Variants in ABTB3 observed in about 807,000 individuals in gnomAD.
ABTB3 encodes the protein ankyrin repeat and BTB domain containing 3, also known as ankyrin repeat- and BTB/POZ domain-containing protein 3.
the ABTB3 span, among the ~76,000 whole-genome samples, chr12:107,430,389 A>G: frequency 6.6e-6 from 1 of 152,232 alleles, no homozygotes; most frequent in South Asian, 2.1e-4. Flanking sequence ...ATGTGTGAAA[A>G]ACACCTTTGC....
the ABTB3 span, among the ~76,000 whole-genome samples, chr12:107,385,724 GGGGCCCAAC>G: frequency 6.6e-6 from 1 of 152,152 alleles, no homozygotes; most frequent in Non-Finnish European, 1.5e-5. Context: ...GATGGCTTAT[GGGGCCCAAC>G]AGCTACGTGC....
the ABTB3 span, among the ~76,000 whole-genome samples, chr12:107,567,910 C>T: frequency 3.2e-4 from 49 of 152,200 alleles, no homozygotes; most frequent in African/African-American, 1.1e-3. Flanking sequence ...AGATTGGGGA[C>T]GGTTGGGCTA....
the ABTB3 span, chr12:107,580,758 G>C: frequency 7.1e-7 from 1 of 1,412,888 alleles, no homozygotes; most frequent in African/African-American, 1.4e-5. Flanking sequence ...GAAATAACAC[G>C]GGGCGCTGAT....
the ABTB3 span, among the ~76,000 whole-genome samples, chr12:107,635,990 G>A: frequency 1.3e-5 from 2 of 152,056 alleles, no homozygotes; most frequent in South Asian, 2.1e-4. Flanking sequence ...TCTGGGAGGC[G>A]TGCACTGTGC....
the ABTB3 span, among the ~76,000 whole-genome samples, chr12:107,427,681 G>T: frequency 6.6e-6 from 1 of 152,074 alleles, no homozygotes; most frequent in African/African-American, 2.4e-5. Flanking sequence ...CACGAGTTCC[G>T]GAGATTAGTT....
At chr12:107,340,190 G>T in the ABTB3 span, among the ~76,000 whole-genome samples, 1 of 151,998 alleles carries the variant, frequency 6.6e-6, no homozygotes, top group African/African-American at 2.4e-5. Flanking sequence ...TTCTTTTCAT[G>T]TGTTGGAGTT....
the ABTB3 span, among the ~76,000 whole-genome samples, chr12:107,354,348 CA>C: frequency 1.3e-5 from 2 of 152,156 alleles, no homozygotes; most frequent in African/African-American, 2.4e-5. Context: ...ACTTTGCCCC[CA>C]AAAGAAACCC....
At chr12:107,482,414 C>CTCTTCATGG in the ABTB3 span, among the ~76,000 whole-genome samples, 5 of 152,120 alleles carry the variant, frequency 3.3e-5, no homozygotes, top group African/African-American at 1.2e-4. Context: ...TCACTTTGCT[C>CTCTTCATGG]TCTTCATGGC....
At chr12:107,582,702 G>A in the ABTB3 span, among the ~76,000 whole-genome samples, 1 of 152,242 alleles carries the variant, frequency 6.6e-6, no homozygotes, top group Non-Finnish European at 1.5e-5. Flanking sequence ...GGAGCAGCTT[G>A]TAGGTAGAAG....
chr12:107,539,479 A>G, the ABTB3 span, among the ~76,000 whole-genome samples: 1 of 152,172 alleles, frequency 6.6e-6, no homozygotes, highest in Non-Finnish European at 1.5e-5. Flanking sequence ...TGGAGAGAAA[A>G]AGGAAGCAGT....
chr12:107,505,725 C>T, the ABTB3 span, among the ~76,000 whole-genome samples: 1 of 152,060 alleles, frequency 6.6e-6, no homozygotes, highest in Non-Finnish European at 1.5e-5. Flanking sequence ...GTTTTGTTCC[C>T]CTCTATGTGT....
the ABTB3 span, among the ~76,000 whole-genome samples, chr12:107,523,827 G>C: frequency 6.6e-6 from 1 of 152,196 alleles, no homozygotes; most frequent in East Asian, 1.9e-4. Flanking sequence ...ACATGCTCAT[G>C]ACCCTAGAAA....
the ABTB3 span, among the ~76,000 whole-genome samples, chr12:107,518,292 C>T: frequency 6.6e-6 from 1 of 152,048 alleles, no homozygotes. Flanking sequence ...AATCATGCTG[C>T]TATAAAGACA....
At chr12:107,323,666 A>G in the ABTB3 span, among the ~76,000 whole-genome samples, 1 of 152,138 alleles carries the variant, frequency 6.6e-6, no homozygotes, top group Admixed American at 6.5e-5. Context: ...TAGTCATTGT[A>G]CCTTAAACTC....
At chr12:107,487,335 C>T in the ABTB3 span, among the ~76,000 whole-genome samples, 1 of 152,050 alleles carries the variant, frequency 6.6e-6, no homozygotes, top group African/African-American at 2.4e-5. Context: ...ATTTTTGGCT[C>T]ACCTGTGCCC....
At chr12:107,383,651 T>A in the ABTB3 span, among the ~76,000 whole-genome samples, 1 of 152,204 alleles carries the variant, frequency 6.6e-6, no homozygotes, top group Non-Finnish European at 1.5e-5. Context: ...GTTCTCTGCC[T>A]ACCTTTCAGA....
chr12:107,374,293 C>CA, the ABTB3 span, among the ~76,000 whole-genome samples: 1 of 152,156 alleles, frequency 6.6e-6, no homozygotes, highest in Admixed American at 6.5e-5. Context: ...TCGCAACAGA[C>CA]ACAGTTCCGG....
At chr12:107,504,700 T>C in the ABTB3 span, among the ~76,000 whole-genome samples, 1 of 152,156 alleles carries the variant, frequency 6.6e-6, no homozygotes, top group African/African-American at 2.4e-5. Flanking sequence ...TGGAAAGGGA[T>C]TTTCAGTTGG....
the ABTB3 span, among the ~76,000 whole-genome samples, chr12:107,643,053 C>T: frequency 6.6e-6 from 1 of 152,078 alleles, no homozygotes; most frequent in African/African-American, 2.4e-5. Flanking sequence ...TGTGTAGTCC[C>T]CTTGATCCTG....
Sources: gnomAD v4.1 joint callset for allele counts (sites outside exome capture counted in the v4.1 genomes callset) on GRCh38, gnomAD v4.1.1 for gene constraint, MANE v1.5 for transcripts, NCBI Gene and HGNC (gene_info 2026-07-23, HGNC 2026-07-21) for gene names.